The following DNAH11 variants were observed in gnomAD, a reference collection of about 807,000 sequenced individuals.
DNAH11 encodes the protein dynein axonemal heavy chain 11.
Under a neutral mutation model 526.0 loss-of-function variants are expected in DNAH11, and 442 were observed. The ratio of observed to expected loss-of-function variants is 0.84; its 90% CI spans 0.78 to 0.91. The LOEUF (loss-of-function observed/expected upper bound fraction) is 0.91. DNAH11 is among the 40% of genes least tolerant of loss of function. DNAH11 has a pLI of 0.00. For missense variants in DNAH11, 6,989 were observed against 5,448.7 expected, an observed-to-expected ratio of 1.28 and a Z score of -8.90; for synonymous variants, 2,461 against 1,935.9, an observed-to-expected ratio of 1.27 and a Z score of -7.12.
intron 29 of DNAH11, among the ~76,000 whole-genome samples, chr7:21,656,999 G>A (rs190975739): frequency 1.7e-4 from 26 of 152,288 alleles, no homozygotes; most frequent in East Asian, 3.9e-4. Flanking sequence ...CATGATGCCC[G>A]GAGGGGGATA....
At chr7:21,562,481 A>C (rs1783505008) in intron 5 of DNAH11, among the ~76,000 whole-genome samples, 1 of 151,994 alleles carries the variant, frequency 6.6e-6, no homozygotes, top group Non-Finnish European at 1.5e-5. Flanking sequence ...TAAGATGAAA[A>C]TTTTCTCTGG....
intron 30 of DNAH11, among the ~76,000 whole-genome samples, chr7:21,676,064 G>A (rs886983032): frequency 1.3e-5 from 2 of 152,164 alleles, no homozygotes; most frequent in Non-Finnish European, 2.9e-5. Flanking sequence ...GAGAAGGCCA[G>A]CATGGTTAGT....
At chr7:21,886,904 T>C (rs1784143824) in intron 76 of DNAH11, among the ~76,000 whole-genome samples, 1 of 152,210 alleles carries the variant, frequency 6.6e-6, no homozygotes, top group East Asian at 1.9e-4. Flanking sequence ...GCATCCTCAC[T>C]GGAGAGGTAC....
At chr7:21,891,288 C>T (rs752569666) in intron 76 of DNAH11, among the ~76,000 whole-genome samples, 1 of 152,166 alleles carries the variant, frequency 6.6e-6, no homozygotes, top group Non-Finnish European at 1.5e-5. Flanking sequence ...ATTTCAGAAA[C>T]TGACTCAGAA....
chr7:21,655,421 A>G (rs2128464925), intron 28 of DNAH11, among the ~76,000 whole-genome samples: 1 of 152,332 alleles, frequency 6.6e-6, no homozygotes, highest in South Asian at 2.1e-4. Flanking sequence ...TTTCTAATTG[A>G]CATTTTTCAT....
At chr7:21,850,458 T>C (rs756065796) in intron 66 of DNAH11, among the ~76,000 whole-genome samples, 1 of 152,052 alleles carries the variant, frequency 6.6e-6, no homozygotes, top group Admixed American at 6.6e-5. Context: ...TTTCTATCTC[T>C]ACTTACATTG....
Position 21,861,905 on chromosome 7 carries a change from A to C in DNAH11, c.11255A>C (p.Asp3752Ala), listed in dbSNP as rs767469708. 6.8e-6 allele frequency: 11 copies of C among 1,613,484 alleles called. No homozygotes were observed. The East Asian group carries it at 2.2e-4, about 33-fold the overall frequency. ...ATCGAGCAGGCTGACAAGGTGGAAG[A>C]CATGCAGGGACGCATCTCTATCCTG... ...RAIEQADKVE[D>A]MQGRISILME... Residue 3752 changes from aspartate to alanine, a missense_variant, in exon 69 of 82, where the codon GAC (aspartate) becomes GCC (alanine). Asp to Ala is a moderately radical substitution (Grantham distance 126). Transcript: ENST00000409508.
At chr7:21,724,299 A>G (rs1440077833) in intron 44 of DNAH11, among the ~76,000 whole-genome samples, 1 of 152,242 alleles carries the variant, frequency 6.6e-6, no homozygotes, top group Non-Finnish European at 1.5e-5. Flanking sequence ...ACCTAAAGTC[A>G]TAACTCATGC....
At chr7:21,639,089 G>A (rs376482134) in intron 28 of DNAH11, 24 bp downstream of exon 28, 15 of 1,599,332 alleles carry the variant, frequency 9.4e-6, no homozygotes, top group African/African-American at 1.4e-5. Flanking sequence ...TGAAAGTCTC[G>A]TATTATACTG....
intron 56 of DNAH11, among the ~76,000 whole-genome samples, chr7:21,774,994 G>A (rs1787609165): frequency 2.0e-5 from 3 of 152,202 alleles, no homozygotes; most frequent in Admixed American, 1.3e-4. Flanking sequence ...CCTGTGGCTA[G>A]GCTAGAAATG....
intron 36 of DNAH11, among the ~76,000 whole-genome samples, chr7:21,700,738 A>G (rs909581426): frequency 1.1e-4 from 17 of 152,254 alleles, no homozygotes; most frequent in Admixed American, 1.3e-4. Context: ...GACTGGATCA[A>G]GAAAATATGG....
intron 61 of DNAH11, 22 bp downstream of exon 61, chr7:21,789,364 G>A: frequency 6.5e-7 from 1 of 1,533,442 alleles, no homozygotes; most frequent in Non-Finnish European, 8.8e-7. Flanking sequence ...CTATGACATT[G>A]AAAAGGTTCC....
At chr7:21,803,988 C>T (rs944876671) in intron 62 of DNAH11, among the ~76,000 whole-genome samples, 4 of 152,246 alleles carry the variant, frequency 2.6e-5, no homozygotes, top group Non-Finnish European at 4.4e-5. Flanking sequence ...GGGCACACGA[C>T]CATCCTATTC....
intron 21 of DNAH11, 118 bp downstream of exon 21, chr7:21,615,390 G>A: frequency 8.8e-7 from 1 of 1,131,116 alleles, no homozygotes; most frequent in Non-Finnish European, 1.2e-6. Flanking sequence ...GTGGAAATTA[G>A]ATCCTCACCC....
chr7:21,762,484 G>T (rs11761026), intron 54 of DNAH11, among the ~76,000 whole-genome samples: 51,700 of 151,986 alleles, frequency 0.34, 10,749 homozygotes, highest in Non-Finnish European at 0.47. Context: ...TTGGGTGTGG[G>T]AAACCAACTT....
At chr7:21,744,816 C>T (rs1473649812) in intron 50 of DNAH11, 54 bp from the exon 51 acceptor site, 3 of 1,552,884 alleles carry the variant, frequency 1.9e-6, no homozygotes, top group Non-Finnish European at 2.6e-6. Flanking sequence ...CTGCCTGCAG[C>T]TGGACCTCTA....
At chr7:21,832,802 C>G (rs11972036) in intron 65 of DNAH11, among the ~76,000 whole-genome samples, 12,237 of 152,154 alleles carry the variant, frequency 0.08, 1,531 homozygotes, top group African/African-American at 0.27. Flanking sequence ...GGATTGGAAA[C>G]AAGAAGAATA....
intron 36 of DNAH11, among the ~76,000 whole-genome samples, chr7:21,699,785 A>G (rs916429478): frequency 2.6e-5 from 4 of 152,034 alleles, no homozygotes; most frequent in African/African-American, 9.7e-5. Context: ...AGTTTCAACT[A>G]TATCTATTTT....
chr7:21,740,417 A>G (rs1423657709), intron 48 of DNAH11, among the ~76,000 whole-genome samples: 3 of 152,004 alleles, frequency 2.0e-5, no homozygotes, highest in African/African-American at 7.3e-5. Context: ...CCACCATTCT[A>G]CTTTCTGTGT....
Sources: allele counts gnomAD v4.1 joint callset (sites outside exome capture counted in the v4.1 genomes callset), GRCh38; gene constraint gnomAD v4.1.1; transcripts MANE v1.5; gene names NCBI Gene and HGNC (gene_info 2026-07-23, HGNC 2026-07-21).